The following AUTS2 variants were observed in gnomAD, a reference collection of about 807,000 sequenced individuals.
AUTS2 encodes the protein autism susceptibility gene 2 protein.
Under a neutral mutation model 112.4 loss-of-function variants are expected in AUTS2, and 17 were observed. The observed-to-expected ratio is 0.15, with a 90% CI of 0.10 to 0.23. The LOEUF (loss-of-function observed/expected upper bound fraction) is 0.23, where lower values mean the gene tolerates loss of function less well. Among genes scored for constraint, AUTS2 ranks in the 10% least tolerant of loss-of-function variants. The pLI, the probability that AUTS2 is intolerant of heterozygous loss-of-function variation, is 1.00. For synonymous variants in AUTS2, 751 were observed against 702.7 expected, an observed-to-expected ratio of 1.07 and a Z score of -1.09; for missense variants, 1,510 against 1,701.6, an observed-to-expected ratio of 0.89 and a Z score of 1.98.
intron 2 of AUTS2, among the ~76,000 whole-genome samples, chr7:69,908,813 G>T (rs1795246285): frequency 6.6e-6 from 1 of 152,192 alleles, no homozygotes; most frequent in South Asian, 2.1e-4. Context: ...ATAATTAGAT[G>T]GAGAAGCAAT....
chr7:70,619,495 G>T (rs1009970887), intron 5 of AUTS2, among the ~76,000 whole-genome samples: 2 of 151,614 alleles, frequency 1.3e-5, no homozygotes, highest in African/African-American at 4.9e-5. Context: ...GCTGCGTTCT[G>T]AAGCAGATCT....
At chr7:70,452,592 A>G (rs917182681) in intron 5 of AUTS2, among the ~76,000 whole-genome samples, 1 of 152,126 alleles carries the variant, frequency 6.6e-6, no homozygotes, top group Admixed American at 6.6e-5. Context: ...CATTAGCAAG[A>G]TTCATTTATT....
intron 4 of AUTS2, among the ~76,000 whole-genome samples, chr7:70,181,129 T>A (rs1486969944): frequency 6.6e-6 from 1 of 152,228 alleles, no homozygotes; most frequent in Admixed American, 6.5e-5. Flanking sequence ...TTCAGGTTGC[T>A]ATGTTTTGCT....
chr7:70,589,488 C>T (rs900974729), intron 5 of AUTS2, among the ~76,000 whole-genome samples: 1 of 152,138 alleles, frequency 6.6e-6, no homozygotes, highest in African/African-American at 2.4e-5. Flanking sequence ...CTGAGGTGGG[C>T]AGATCACTTG....
intron 2 of AUTS2, among the ~76,000 whole-genome samples, chr7:69,948,617 TC>T (rs942195723): frequency 6.6e-6 from 1 of 152,148 alleles, no homozygotes; most frequent in African/African-American, 2.4e-5. Context: ...GCTAGACTTT[TC>T]ATCTGTGCTC....
chr7:69,657,723 G>C (rs952769639), intron 1 of AUTS2, among the ~76,000 whole-genome samples: 59 of 152,264 alleles, frequency 3.9e-4, no homozygotes, highest in African/African-American at 1.4e-3. Flanking sequence ...AATTGCATTA[G>C]TTTGTTTATA....
At chr7:70,088,527 CTTTT>C (rs34484649) in intron 2 of AUTS2, among the ~76,000 whole-genome samples, 1 of 139,436 alleles carries the variant, frequency 7.2e-6, no homozygotes. Context: ...CTTTTGCTCT[CTTTT>C]TTTTTTTTTT....
chr7:70,006,098 C>T (rs1799533584), intron 2 of AUTS2, among the ~76,000 whole-genome samples: 1 of 152,078 alleles, frequency 6.6e-6, no homozygotes, highest in Non-Finnish European at 1.5e-5. Context: ...CATAGGGTGC[C>T]CCGTCCTCAG....
chr7:70,472,343 T>G (rs1797419907), intron 5 of AUTS2, among the ~76,000 whole-genome samples: 1 of 149,616 alleles, frequency 6.7e-6, no homozygotes, highest in African/African-American at 2.5e-5. Flanking sequence ...CTTGTTTGGG[T>G]TTTGGGGCTT....
chr7:70,174,852 C>T (rs540097253), intron 4 of AUTS2, among the ~76,000 whole-genome samples: 2 of 152,260 alleles, frequency 1.3e-5, no homozygotes, highest in South Asian at 4.1e-4. Context: ...CATGATCACC[C>T]AAGGGCTCTG....
At chr7:70,754,254 G>A (rs915551213) in intron 6 of AUTS2, among the ~76,000 whole-genome samples, 3 of 152,208 alleles carry the variant, frequency 2.0e-5, no homozygotes, top group Non-Finnish European at 4.4e-5. Context: ...ACTTTGAGAG[G>A]CCTAGGCGGG....
intron 4 of AUTS2, among the ~76,000 whole-genome samples, chr7:70,278,868 T>C (rs1265381046): frequency 2.0e-5 from 3 of 152,308 alleles, no homozygotes; most frequent in African/African-American, 7.2e-5. Flanking sequence ...AAAGAGAATG[T>C]CAAACTGCCA....
At chr7:70,571,282 G>A (rs1161759861) in intron 5 of AUTS2, among the ~76,000 whole-genome samples, 1 of 152,212 alleles carries the variant, frequency 6.6e-6, no homozygotes, top group Non-Finnish European at 1.5e-5. Flanking sequence ...CCTATAAAGT[G>A]AGGTAAGTGA....
chr7:70,159,799 A>G (rs1807980638), intron 4 of AUTS2, among the ~76,000 whole-genome samples: 1 of 152,196 alleles, frequency 6.6e-6, no homozygotes, highest in Non-Finnish European at 1.5e-5. Context: ...TGTCTTCATT[A>G]AGCATCACTA....
chr7:69,991,224 T>G (rs1798730009), intron 2 of AUTS2, among the ~76,000 whole-genome samples: 1 of 152,230 alleles, frequency 6.6e-6, no homozygotes, highest in Non-Finnish European at 1.5e-5. Context: ...CGTAGTAGTT[T>G]ATTTTGTGCT....
chr7:70,280,072 T>C (rs1233093390), intron 4 of AUTS2, among the ~76,000 whole-genome samples: 4 of 152,082 alleles, frequency 2.6e-5, no homozygotes, highest in African/African-American at 9.7e-5. Context: ...CACAAGATTA[T>C]GGGGAGAGGT....
chr7:70,336,912 G>A (rs769505780), intron 4 of AUTS2, among the ~76,000 whole-genome samples: 3 of 152,030 alleles, frequency 2.0e-5, no homozygotes, highest in Non-Finnish European at 4.4e-5. Context: ...ACCTGCCTTG[G>A]TGTCTTCTGT....
chr7:70,484,098 T>C (rs1196265015), intron 5 of AUTS2, among the ~76,000 whole-genome samples: 1 of 152,208 alleles, frequency 6.6e-6, no homozygotes, highest in South Asian at 2.1e-4. Context: ...TTGTCACTTA[T>C]CTCCTAATGA....
At chr7:69,615,106 T>A (rs1793296538) in intron 1 of AUTS2, among the ~76,000 whole-genome samples, 1 of 152,338 alleles carries the variant, frequency 6.6e-6, no homozygotes, top group African/African-American at 2.4e-5. Context: ...TCTCAGATTG[T>A]AAACCCTTAG....
Sources: allele counts gnomAD v4.1 joint callset (sites outside exome capture counted in the v4.1 genomes callset), GRCh38; gene constraint gnomAD v4.1.1; transcripts MANE v1.5; gene names NCBI Gene and HGNC (gene_info 2026-07-23, HGNC 2026-07-21).